Variants in WNK1 observed in about 807,000 individuals in gnomAD.
WNK1 encodes WNK lysine deficient protein kinase 1.
WNK1 carries 38 observed loss-of-function variants against 222.8 expected under a neutral mutation model. The ratio of observed to expected loss-of-function variants is 0.17; its 90% CI spans 0.13 to 0.22. The LOEUF (loss-of-function observed/expected upper bound fraction) is 0.22. Among genes scored for constraint, WNK1 ranks in the 10% least tolerant of loss-of-function variants. WNK1 has a pLI of 1.00. For synonymous variants in WNK1, 1,090 were observed against 1,092.9 expected (o/e 1.00, Z 0.05); for missense variants, 2,348 against 2,918.4 (o/e 0.80, Z 4.50).
chr12:842,780 A>G (rs1949726720), intron 4 of WNK1, among the ~76,000 whole-genome samples: 1 of 152,216 alleles, frequency 6.6e-6, no homozygotes, highest in South Asian at 2.1e-4. Context: ...AGGAGGTTAC[A>G]TAAGAAGGAA....
At chr12:895,776 A>G (rs1323886738) in intron 23 of WNK1, among the ~76,000 whole-genome samples, 1 of 152,094 alleles carries the variant, frequency 6.6e-6, no homozygotes, top group African/African-American at 2.4e-5. Context: ...TTTGTTATGT[A>G]TATGTTGACT....
chr12:861,311 T>G lies in WNK1; in HGVS notation c.1919T>G (p.Leu640Arg). ...EEPEADQHQQ[L>R]QYQQPSISVL... ...CCTGAGGCAGATCAACATCAACAAC[T>G]ACAGTACCAGCAACCCAGTATATCT... Residue 640 changes from leucine to arginine, a missense_variant, in exon 7 of 28, where the codon CTA becomes CGA. Coordinates refer to ENST00000315939, the MANE Select transcript of WNK1 (RefSeq NM_018979.4). 1 of 1,614,120 alleles carries G rather than the reference T, an allele frequency of 6.2e-7. No individual in the cohort carries two copies. Among genetic ancestry groups the G allele is most frequent in the Non-Finnish European group, 8.5e-7 (1 of 1,179,990 alleles).
At position 759,776 on chromosome 12, in the gene WNK1, A is replaced by C. The variant is rs756177855; in HGVS notation, c.759+5452A>C. ...GCTCAAATCAAGGCTCAGCTACATA[A>C]TTGTGTCACCTTGAGCAAGTTTTGT... On this transcript the variant is annotated intron_variant, in intron 1 of 27. Coordinates refer to ENST00000315939, the MANE Select transcript of WNK1 (RefSeq NM_018979.4). Among the ~76,000 whole-genome samples, 4 of 147,886 alleles carry C rather than the reference A, an allele frequency of 2.7e-5. 1 individual carries two copies. The highest frequency in any genetic ancestry group is 4.5e-5 in the Non-Finnish European group (3 of 66,146).
intron 6 of WNK1, among the ~76,000 whole-genome samples, chr12:860,244 A>G (rs909328460): frequency 1.3e-5 from 2 of 152,258 alleles, no homozygotes; most frequent in African/African-American, 2.4e-5. Context: ...ATAAACAGAC[A>G]TAGGACCATG....
chr12:793,751 G>A (rs1945052602), intron 1 of WNK1, among the ~76,000 whole-genome samples: 1 of 152,032 alleles, frequency 6.6e-6, no homozygotes, highest in Non-Finnish European at 1.5e-5. Context: ...CTTACCATTT[G>A]CATTTTTATA....
chr12:793,463 A>G (rs535439396), intron 1 of WNK1, among the ~76,000 whole-genome samples: 71 of 152,292 alleles, frequency 4.7e-4, no homozygotes, highest in Middle Eastern at 3.4e-3. Flanking sequence ...TCTTTTTTCA[A>G]TTGGTAGTAA....
chr12:816,645 C>A (rs1451498862), intron 2 of WNK1, among the ~76,000 whole-genome samples: 1 of 152,052 alleles, frequency 6.6e-6, no homozygotes, highest in Non-Finnish European at 1.5e-5. Context: ...TTTGTACCAT[C>A]TACTTGGTAC....
intron 1 of WNK1, among the ~76,000 whole-genome samples, chr12:785,423 G>A (rs1454553643): frequency 1.2e-5 from 1 of 85,978 alleles, no homozygotes; most frequent in Non-Finnish European, 2.1e-5. Flanking sequence ...CCCTCGAAGT[G>A]GAGTCTTGCT....
At position 909,205 on chromosome 12, in the gene WNK1, C is replaced by T. The variant is rs1955932423; in HGVS notation, c.*413C>T. On this transcript the variant is annotated 3_prime_UTR_variant, in exon 28 of 28. Transcript: ENST00000315939. ...TCCCTCACTCCCTCAAGAATCCGAACCACAGGACAAAAACCACCTACTGGG... is the reference window on the plus strand; with the variant it reads ...TCCCTCACTCCCTCAAGAATCCGAATCACAGGACAAAAACCACCTACTGGG... 1 of 211,706 alleles carries T rather than the reference C, an allele frequency of 4.7e-6. No individual in the cohort carries two copies. The highest frequency in any genetic ancestry group is 5.3e-5 in the Admixed American group (1 of 19,022). The allele number at this position is 211,706 out of a possible 1,614,324, so 13.1% of individuals were successfully genotyped here.
At chr12:810,621 G>A (rs141664231) in intron 1 of WNK1, among the ~76,000 whole-genome samples, 2 of 152,178 alleles carry the variant, frequency 1.3e-5, no homozygotes, top group African/African-American at 2.4e-5. Context: ...GTGAACAATA[G>A]CAAAGGATGG....
intron 1 of WNK1, among the ~76,000 whole-genome samples, chr12:755,626 TA>T (rs549151044): frequency 0.094 from 13,713 of 146,398 alleles, 821 homozygotes; most frequent in African/African-American, 0.17. Context: ...GACAGATCTT[TA>T]AAAAAAAAAA....
chr12:775,497 G>A (rs1443203965), intron 1 of WNK1, among the ~76,000 whole-genome samples: 1 of 152,058 alleles, frequency 6.6e-6, no homozygotes, highest in Non-Finnish European at 1.5e-5. Flanking sequence ...ATCACTTAAG[G>A]CCAAGAATTT....
intron 1 of WNK1, among the ~76,000 whole-genome samples, chr12:760,222 T>C (rs1447836702): frequency 2.0e-5 from 3 of 148,126 alleles, no homozygotes; most frequent in African/African-American, 7.3e-5. Flanking sequence ...AGAAAGCATA[T>C]TTTCTTTTGG....
chr12:792,561 A>C (rs1944946231), intron 1 of WNK1, among the ~76,000 whole-genome samples: 1 of 151,852 alleles, frequency 6.6e-6, no homozygotes, highest in South Asian at 2.1e-4. Flanking sequence ...TGATCCGCCC[A>C]CCTCAGCCTC....
At chr12:767,423 T>C (rs1385136237) in intron 1 of WNK1, among the ~76,000 whole-genome samples, 1 of 151,674 alleles carries the variant, frequency 6.6e-6, no homozygotes, top group Non-Finnish European at 1.5e-5. Context: ...TGGCTAATTT[T>C]TGTATTTTTA....
Position 909,228 on chromosome 12 carries a change from G to T in WNK1, c.*436G>T. 4.9e-6 allele frequency: 1 copy of T among 203,340 alleles called. No individual in the cohort carries two copies. The allele number at this position is 203,340 out of a possible 1,614,324, so 12.6% of individuals were successfully genotyped here. ...AACCACAGGACAAAAACCACCTACT[G>T]GGCTCTCTCCTACCCTGCCCTCCTC... On this transcript the variant is annotated 3_prime_UTR_variant, in exon 28 of 28. Coordinates refer to ENST00000315939, the MANE Select transcript of WNK1 (RefSeq NM_018979.4).
At chr12:826,997 A>T in intron 2 of WNK1, 45 bp from the exon 3 acceptor site, 3 of 1,511,746 alleles carry the variant, frequency 2.0e-6, no homozygotes, top group Non-Finnish European at 2.8e-6. Flanking sequence ...AAAGCAACAA[A>T]CTCCTATCAT....
At chr12:768,591 G>T (rs980952496) in intron 1 of WNK1, among the ~76,000 whole-genome samples, 2 of 152,066 alleles carry the variant, frequency 1.3e-5, no homozygotes, top group Non-Finnish European at 2.9e-5. Flanking sequence ...CCTCTTAGAA[G>T]GGCAGAAGTG....
chr12:904,069 C>A (rs1309220670), intron 26 of WNK1, among the ~76,000 whole-genome samples: 1 of 152,172 alleles, frequency 6.6e-6, no homozygotes, highest in Non-Finnish European at 1.5e-5. Flanking sequence ...AACAGCCCAG[C>A]TGGAGAAACA....
Sources: gnomAD v4.1 joint callset for allele counts (sites outside exome capture counted in the v4.1 genomes callset) on GRCh38, gnomAD v4.1.1 for gene constraint, MANE v1.5 for transcripts, NCBI Gene and HGNC (gene_info 2026-07-23, HGNC 2026-07-21) for gene names.